Variants in NRXN1 observed in about 807,000 individuals in gnomAD.
NRXN1 encodes the protein neurexin-1.
A neutral mutation model predicts 150.9 loss-of-function variants in NRXN1; 39 were observed. The observed-to-expected ratio is 0.26, with a 90% CI of 0.20 to 0.34. NRXN1 has a LOEUF of 0.34. Ranked by LOEUF, NRXN1 falls within the 10% of genes least tolerant of loss-of-function variation. The probability of loss-of-function intolerance (pLI) is 1.00; values close to 1 mark genes in which losing one functional copy is unlikely to be tolerated. For missense variants in NRXN1, 1,815 were observed against 1,949.9 expected, an observed-to-expected ratio of 0.93 and a Z score of 1.30; for synonymous variants, 924 against 757.0, an observed-to-expected ratio of 1.22 and a Z score of -3.62.
chr2:50,452,992 T>C (rs1402833294), intron 17 of NRXN1, among the ~76,000 whole-genome samples: 1 of 152,174 alleles, frequency 6.6e-6, no homozygotes, highest in Admixed American at 6.5e-5. Flanking sequence ...AGGCTGATAA[T>C]CAAAATGAAA....
At chr2:50,169,244 G>C (rs2059869673) in intron 18 of NRXN1, among the ~76,000 whole-genome samples, 1 of 152,094 alleles carries the variant, frequency 6.6e-6, no homozygotes, top group Admixed American at 6.6e-5. Context: ...TTCAAAAGTA[G>C]GTAATTTGGC....
chr2:50,310,468 T>A (rs1201119046), intron 17 of NRXN1, among the ~76,000 whole-genome samples: 1 of 152,190 alleles, frequency 6.6e-6, no homozygotes, highest in Non-Finnish European at 1.5e-5. Flanking sequence ...TCCCCTACTT[T>A]GTGAAGTGAT....
Position 50,176,931 on chromosome 2 carries a change from C to T in NRXN1, c.3546+59858G>A, listed in dbSNP as rs1328006262. ...AGGTGGTAATCATAAGAACACCACA[C>T]ATAAAAAGAAAGGGAAGAGTAAACC... On this transcript the variant is annotated intron_variant, in intron 18 of 22. Coordinates refer to ENST00000401669, the MANE Select transcript of NRXN1 (RefSeq NM_001330078.2). Among the ~76,000 whole-genome samples the T allele has an allele frequency of 3.3e-5, 5 of 151,832 alleles. No individual in the cohort carries two copies. The East Asian group carries it at 5.8e-4, about 18-fold the overall frequency.
chr2:50,454,272 G>A (rs2087292553), intron 17 of NRXN1, among the ~76,000 whole-genome samples: 1 of 152,152 alleles, frequency 6.6e-6, no homozygotes, highest in African/African-American at 2.4e-5. Context: ...GTTGTGGTGA[G>A]CCAAAATCAT....
intron 5 of NRXN1, among the ~76,000 whole-genome samples, chr2:50,856,927 T>G (rs997725516): frequency 6.6e-6 from 1 of 152,082 alleles, no homozygotes; most frequent in African/African-American, 2.4e-5. Context: ...GCCTATCCTA[T>G]TCTCACAGTA....
chr2:50,186,716 G>A (rs1216930380), intron 18 of NRXN1, among the ~76,000 whole-genome samples: 3 of 151,932 alleles, frequency 2.0e-5, no homozygotes, highest in Non-Finnish European at 4.4e-5. Context: ...TGCTTCTTCT[G>A]AACTTTCATT....
chr2:50,914,263 T>G (rs560939569), intron 5 of NRXN1, among the ~76,000 whole-genome samples: 1 of 151,786 alleles, frequency 6.6e-6, no homozygotes, highest in East Asian at 2.0e-4. Context: ...TATGCCTACT[T>G]GATGATCTCG....
intron 2 of NRXN1, among the ~76,000 whole-genome samples, chr2:50,929,331 T>C (rs1558438737): frequency 6.6e-6 from 1 of 152,102 alleles, no homozygotes; most frequent in Non-Finnish European, 1.5e-5. Context: ...AAAAATCTCC[T>C]TTCTGTATAA....
At chr2:49,984,311 C>T (rs1680532047) in intron 21 of NRXN1, among the ~76,000 whole-genome samples, 2 of 152,114 alleles carry the variant, frequency 1.3e-5, no homozygotes, top group African/African-American at 4.8e-5. Context: ...ATATTTTAAG[C>T]CACATTTTAG....
intron 9 of NRXN1, among the ~76,000 whole-genome samples, chr2:50,550,807 G>A (rs1038793833): frequency 2.0e-5 from 3 of 151,170 alleles, no homozygotes; most frequent in Middle Eastern, 3.2e-3. Context: ...TCAGCCTCCC[G>A]AGTGGCTGGG....
chr2:50,007,229 C>T (rs1684919781), intron 21 of NRXN1, among the ~76,000 whole-genome samples: 1 of 152,024 alleles, frequency 6.6e-6, no homozygotes, highest in South Asian at 2.1e-4. Context: ...GCCTGTAGTA[C>T]CATCTCCTAA....
At chr2:50,957,087 G>C (rs1221062887) in intron 2 of NRXN1, among the ~76,000 whole-genome samples, 1 of 152,136 alleles carries the variant, frequency 6.6e-6, no homozygotes, top group Non-Finnish European at 1.5e-5. Context: ...GAATGTCACG[G>C]TAGTGACTAC....
intron 8 of NRXN1, among the ~76,000 whole-genome samples, chr2:50,611,542 C>A (rs1391605265): frequency 6.6e-6 from 1 of 152,176 alleles, no homozygotes; most frequent in African/African-American, 2.4e-5. Context: ...GTGTCTATGG[C>A]AAGGTGCCTG....
chr2:51,027,561 T>C lies in NRXN1; in HGVS notation c.713A>G (p.Asp238Gly), dbSNP rs1482407476. 6.3e-7 allele frequency: 1 copy of C among 1,597,122 alleles called. No homozygotes were observed. The highest frequency in any genetic ancestry group is 8.6e-7 in the Non-Finnish European group (1 of 1,168,434). The change falls in exon 2 of 23, where the codon GAC becomes GGC. Residue 238 changes from aspartate (D) to glycine (G), a missense_variant. Physicochemically the swap from Asp to Gly is moderately conservative, Grantham distance 94. This residue lies in a region of NRXN1 where 554 missense variants were observed against 478.8 expected (regional missense o/e 1.16). Transcript: ENST00000401669. Reference protein sequence around the residue: ...CLNGGVCSVVDDQAVCDCSRT... With the variant: ...CLNGGVCSVVGDQAVCDCSRT... ...CGAGCAGTCGCACACGGCCTGGTCG[T>C]CCACCACGGAGCACACACCTCCGTT...
intron 5 of NRXN1, among the ~76,000 whole-genome samples, chr2:50,907,509 G>T (rs1410258439): frequency 6.6e-6 from 1 of 152,022 alleles, no homozygotes; most frequent in Admixed American, 6.6e-5. Flanking sequence ...AGATAGCAAA[G>T]GCAATTAAGG....
At chr2:50,809,727 AAC>A (rs1394636642) in intron 5 of NRXN1, among the ~76,000 whole-genome samples, 6 of 152,144 alleles carry the variant, frequency 3.9e-5, no homozygotes, top group Non-Finnish European at 7.4e-5. Flanking sequence ...TATTGTGATA[AAC>A]ACATGTCTAA....
chr2:50,895,037 A>G (rs1464593682), intron 5 of NRXN1, among the ~76,000 whole-genome samples: 1 of 152,176 alleles, frequency 6.6e-6, no homozygotes, highest in Non-Finnish European at 1.5e-5. Flanking sequence ...CAAGCCAATA[A>G]ATAAAGTATT....
intron 5 of NRXN1, among the ~76,000 whole-genome samples, chr2:50,705,770 G>C (rs994863972): frequency 6.6e-6 from 1 of 152,072 alleles, no homozygotes; most frequent in Non-Finnish European, 1.5e-5. Flanking sequence ...CAGAGACACC[G>C]CTGATGAGCC....
intron 18 of NRXN1, among the ~76,000 whole-genome samples, chr2:50,193,248 A>G (rs2152824909): frequency 6.6e-6 from 1 of 152,332 alleles, no homozygotes; most frequent in South Asian, 2.1e-4. Flanking sequence ...TAAAGAAATT[A>G]CTTCAAAATT....
Sources: allele counts gnomAD v4.1 joint callset (sites outside exome capture counted in the v4.1 genomes callset), GRCh38; gene constraint gnomAD v4.1.1; regional missense constraint gnomAD v4.1.1; transcripts MANE v1.5; gene names NCBI Gene and HGNC (gene_info 2026-07-23, HGNC 2026-07-21).